F13A1: variants seen among roughly 807,000 people sequenced by gnomAD.
F13A1 encodes the protein coagulation factor XIII A chain.
F13A1 carries 47 observed loss-of-function variants against 80.1 expected under a neutral mutation model. The observed-to-expected ratio is 0.59, with a 90% CI of 0.46 to 0.75. The LOEUF (loss-of-function observed/expected upper bound fraction) is 0.75. Among genes scored for constraint, F13A1 ranks in the 30% least tolerant of loss-of-function variants. F13A1 has a pLI of 0.00. For missense variants in F13A1, 817 were observed against 930.4 expected, an observed-to-expected ratio of 0.88 and a Z score of 1.59; for synonymous variants, 349 against 344.9, an observed-to-expected ratio of 1.01 and a Z score of -0.13.
Position 6,268,583 on chromosome 6 carries a change from T to C in F13A1, c.320-1774A>G, listed in dbSNP as rs114530284. ...TTACTTGTCTTAGCTTCCATTTTCT[T>C]GATTCTTTGCAGTTTAGTTTGGGAA... is the stretch of plus-strand genomic sequence containing the variant. On this transcript the variant is annotated intron_variant, in intron 3 of 14. Transcript: ENST00000264870. Among the ~76,000 whole-genome samples the C allele has an allele frequency of 8.5e-3, 1,301 of 152,352 alleles. 9 individuals are homozygous for C. Among genetic ancestry groups the C allele is most frequent in the Middle Eastern group, 0.014 (4 of 294 alleles).
intron 6 of F13A1, among the ~76,000 whole-genome samples, chr6:6,242,598 A>G (rs1273405843): frequency 6.6e-6 from 1 of 152,196 alleles, no homozygotes; most frequent in African/African-American, 2.4e-5. Flanking sequence ...CTGAATCAGA[A>G]TACCATGGAT....
chr6:6,244,431 A>G (rs1197543440), intron 6 of F13A1, among the ~76,000 whole-genome samples: 1 of 152,166 alleles, frequency 6.6e-6, no homozygotes, highest in Non-Finnish European at 1.5e-5. Context: ...TATTTAAAGG[A>G]GCCTAAGCAA....
chr6:6,244,744 T>A (rs1483791572), intron 6 of F13A1, among the ~76,000 whole-genome samples: 1 of 152,208 alleles, frequency 6.6e-6, no homozygotes, highest in Non-Finnish European at 1.5e-5. Flanking sequence ...AAGACAAAGA[T>A]GCGAGGCCAG....
intron 3 of F13A1, among the ~76,000 whole-genome samples, chr6:6,274,887 T>C (rs1561675796): frequency 6.6e-6 from 1 of 152,090 alleles, no homozygotes; most frequent in Non-Finnish European, 1.5e-5. Flanking sequence ...AAGGAAAGGA[T>C]GGTGCATAAA....
Position 6,197,251 on chromosome 6 carries a change from C to T in F13A1, c.1188G>A (p.Val396=). 1 of 1,614,170 alleles carries T rather than the reference C, an allele frequency of 6.2e-7. No individual in the cohort carries two copies. Among genetic ancestry groups the T allele is most frequent in the Non-Finnish European group, 8.5e-7 (1 of 1,180,024 alleles). The part of the protein sequence containing the change: ...LPVGFGGWQA[V]DSTPQENSDG... ...CGCTATTTTCCTGGGGGGTGCTGTC[C>T]ACAGCTTGCCAGCCTCCAAATCCAA... The change falls in exon 9 of 15, where the codon GTG becomes GTA. Residue 396 remains valine (V), a synonymous_variant. Coordinates refer to ENST00000264870, the MANE Select transcript of F13A1 (RefSeq NM_000129.4).
Position 6,162,826 on chromosome 6 carries a change from T to C in F13A1, c.1908+4632A>G, listed in dbSNP as rs1760598314. ...TCTGTCCAGGTTTACACAGTTATGA[T>C]GTTCAGAAAACAAGCTTTAAACTCA... On this transcript the variant is annotated intron_variant, in intron 13 of 14. Coordinates refer to ENST00000264870, the MANE Select transcript of F13A1 (RefSeq NM_000129.4). This position sits in a 1 kb window ranked among gnomAD's most constrained non-coding sequence, Gnocchi z 4.2. Among the ~76,000 whole-genome samples, 1 of 152,210 alleles carries C rather than the reference T, an allele frequency of 6.6e-6. No homozygotes were observed. Among genetic ancestry groups the C allele is most frequent in the South Asian group, 2.1e-4 (1 of 4,830 alleles).
intron 3 of F13A1, among the ~76,000 whole-genome samples, chr6:6,285,984 A>G (rs1488289101): frequency 6.6e-6 from 1 of 152,266 alleles, no homozygotes; most frequent in East Asian, 1.9e-4. Flanking sequence ...CAACACTAGT[A>G]AACGCACTGT....
intron 10 of F13A1, among the ~76,000 whole-genome samples, chr6:6,190,300 C>G (rs1473614132): frequency 6.6e-6 from 1 of 152,242 alleles, no homozygotes; most frequent in Non-Finnish European, 1.5e-5. Flanking sequence ...GAGAGGCGCT[C>G]TTCTTTCTAG....
At chr6:6,305,764 G>A (rs562291095) in intron 2 of F13A1, 32 of 538,476 alleles carry the variant, frequency 5.9e-5, no homozygotes, top group Admixed American at 1.8e-4. Context: ...CTTTGATCTC[G>A]TTTCAGACCA....
intron 3 of F13A1, among the ~76,000 whole-genome samples, chr6:6,297,214 T>C (rs1583117466): frequency 6.6e-6 from 1 of 151,880 alleles, no homozygotes. Flanking sequence ...TTCTCTTTTT[T>C]GGTTGTGTCT....
At chr6:6,212,788 T>C (rs1761642688) in intron 8 of F13A1, among the ~76,000 whole-genome samples, 1 of 151,986 alleles carries the variant, frequency 6.6e-6, no homozygotes, top group African/African-American at 2.4e-5. Flanking sequence ...TGAAAAAAAT[T>C]TAGAAGAATG....
Position 6,174,780 on chromosome 6 carries a change from C to G in F13A1, c.1547G>C (p.Arg516Thr). The part of the protein sequence containing the change: ...PLNTEGVMKS[R>T]SNVDMDFEVE... The stretch of plus-strand genomic sequence containing the variant: ...TTCAAAGTCCATGTCAACGTTGGAC[C>G]TTGATTTCATGACACCTTCTGTGTT... Residue 516 changes from arginine to threonine, a missense_variant, in exon 12 of 15, where the codon AGG (arginine) becomes ACG (threonine). Transcript: ENST00000264870. 6.2e-7 allele frequency: 1 copy of G among 1,614,152 alleles called. No homozygotes were observed. The highest frequency in any genetic ancestry group is 2.2e-5 in the East Asian group (1 of 44,880).
intron 2 of F13A1, among the ~76,000 whole-genome samples, chr6:6,313,280 C>CTTTTTTTTTTTTTTTTTTTTTTT (rs5874027): frequency 7.9e-6 from 1 of 126,748 alleles, no homozygotes; most frequent in African/African-American, 3.0e-5. Flanking sequence ...GCTAAGCCGC[C>CTTTTTTTTTTTTTTTTTTTTTTT]TTTTTTTTTT....
chr6:6,197,128 C>T, intron 9 of F13A1, 95 bp downstream of exon 9: 1 of 1,154,342 alleles, frequency 8.7e-7, no homozygotes, highest in Non-Finnish European at 1.3e-6. Flanking sequence ...ATGTTGCCTC[C>T]CAATGGGCGT....
chr6:6,234,801 T>A (rs139439109), intron 6 of F13A1, among the ~76,000 whole-genome samples: 58 of 152,126 alleles, frequency 3.8e-4, no homozygotes, highest in African/African-American at 1.4e-3. Flanking sequence ...TATTTGAAGT[T>A]TAATAATTTC....
chr6:6,306,838 C>T (rs1348994534), intron 2 of F13A1, among the ~76,000 whole-genome samples: 1 of 152,236 alleles, frequency 6.6e-6, no homozygotes, highest in African/African-American at 2.4e-5. Context: ...GAATGGCTTC[C>T]TTTACCTCCA....
At chr6:6,198,164 CAAG>C (rs1387672267) in intron 8 of F13A1, among the ~76,000 whole-genome samples, 7 of 152,206 alleles carry the variant, frequency 4.6e-5, no homozygotes, top group East Asian at 1.9e-4. Context: ...TCGTGTCCAA[CAAG>C]AAGAATACGT....
chr6:6,223,292 C>T (rs948168422), intron 7 of F13A1, among the ~76,000 whole-genome samples: 6 of 152,188 alleles, frequency 3.9e-5, no homozygotes, highest in African/African-American at 1.2e-4. Context: ...GCCAAAGACA[C>T]GAACGGATGT....
At chr6:6,232,497 T>C (rs1484419398) in intron 6 of F13A1, among the ~76,000 whole-genome samples, 4 of 152,050 alleles carry the variant, frequency 2.6e-5, no homozygotes, top group East Asian at 3.9e-4. Flanking sequence ...AGTAAGACAA[T>C]AGTAGTGGAG....
Sources: gnomAD v4.1 joint callset for allele counts (sites outside exome capture counted in the v4.1 genomes callset) on GRCh38, gnomAD v4.1.1 for gene constraint, Gnocchi (gnomAD v3.1) non-coding constraint, MANE v1.5 for transcripts, NCBI Gene and HGNC (gene_info 2026-07-23, HGNC 2026-07-21) for gene names.